UNC5D: variants seen among roughly 807,000 people sequenced by gnomAD.
UNC5D encodes the protein netrin receptor UNC5D.
In UNC5D, 39 loss-of-function variants were observed where a neutral mutation model predicts 105.4. The ratio of observed to expected loss-of-function variants is 0.37; its 90% CI spans 0.29 to 0.48. The LOEUF is 0.48. Ranked by LOEUF, UNC5D falls within the 20% of genes least tolerant of loss-of-function variation. UNC5D has a pLI of 0.98. For synonymous variants in UNC5D, 452 were observed against 450.4 expected, an observed-to-expected ratio of 1.00 and a Z score of -0.04; for missense variants, 991 against 1,202.4, an observed-to-expected ratio of 0.82 and a Z score of 2.60.
intron 1 of UNC5D, among the ~76,000 whole-genome samples, chr8:35,306,231 G>A (rs11991431): frequency 0.42 from 64,173 of 151,638 alleles, 13,857 homozygotes; most frequent in East Asian, 0.7. Context: ...GTGTGTGTGC[G>A]CGTGTGTGTG....
intron 1 of UNC5D, among the ~76,000 whole-genome samples, chr8:35,500,062 T>C (rs1811867909): frequency 6.6e-6 from 1 of 152,232 alleles, no homozygotes; most frequent in South Asian, 2.1e-4. Context: ...TCACCTTTCA[T>C]TTTAAATAAT....
intron 1 of UNC5D, among the ~76,000 whole-genome samples, chr8:35,443,983 A>T (rs1400228511): frequency 6.6e-6 from 1 of 151,890 alleles, no homozygotes. Flanking sequence ...GTTTTTTCTC[A>T]CTCATTCTTT....
intron 1 of UNC5D, among the ~76,000 whole-genome samples, chr8:35,305,429 C>T (rs1176404235): frequency 2.6e-5 from 4 of 151,976 alleles, no homozygotes; most frequent in Non-Finnish European, 5.9e-5. Flanking sequence ...TATTCCAACC[C>T]AGACACCCAG....
intron 1 of UNC5D, among the ~76,000 whole-genome samples, chr8:35,430,157 G>C (rs111846328): frequency 0.017 from 2,582 of 152,172 alleles, 92 homozygotes; most frequent in African/African-American, 0.059. Context: ...CTTTCAGCCT[G>C]CTCAACCTCC....
chr8:35,623,469 T>A (rs1052008255), intron 4 of UNC5D, among the ~76,000 whole-genome samples: 5 of 152,206 alleles, frequency 3.3e-5, no homozygotes, highest in African/African-American at 9.6e-5. Flanking sequence ...CTTCCTCTCT[T>A]TTCAGCATCC....
At chr8:35,399,269 C>A (rs1379865313) in intron 1 of UNC5D, among the ~76,000 whole-genome samples, 1 of 151,744 alleles carries the variant, frequency 6.6e-6, no homozygotes, top group Non-Finnish European at 1.5e-5. Flanking sequence ...AGGAGCAAAC[C>A]AATAGACTCT....
chr8:35,447,456 G>A (rs1330403397), intron 1 of UNC5D, among the ~76,000 whole-genome samples: 1 of 152,028 alleles, frequency 6.6e-6, no homozygotes, highest in East Asian at 1.9e-4. Context: ...AGCCCAGAGA[G>A]TCCACAGTTG....
intron 4 of UNC5D, among the ~76,000 whole-genome samples, chr8:35,604,815 T>G: frequency 6.6e-6 from 1 of 152,216 alleles, no homozygotes; most frequent in Admixed American, 6.5e-5. Flanking sequence ...CACTGATACC[T>G]TTTCTTCCAG....
At chr8:35,604,841 AC>A (rs1354993975) in intron 4 of UNC5D, among the ~76,000 whole-genome samples, 1 of 152,188 alleles carries the variant, frequency 6.6e-6, no homozygotes, top group Non-Finnish European at 1.5e-5. Flanking sequence ...CGCATCAGTT[AC>A]TGAGGCTTGT....
intron 1 of UNC5D, chr8:35,254,733 G>A (rs934777729): frequency 6.6e-6 from 1 of 152,072 alleles, no homozygotes; most frequent in Non-Finnish European, 1.5e-5. Flanking sequence ...TCCATACTTT[G>A]ACATTCCTTC....
intron 1 of UNC5D, among the ~76,000 whole-genome samples, chr8:35,332,702 G>A (rs1332578561): frequency 1.3e-5 from 2 of 152,166 alleles, no homozygotes; most frequent in African/African-American, 4.8e-5. Context: ...TCCTTTCTGG[G>A]CCAAGAAATT....
chr8:35,455,751 G>C (rs534054579), intron 1 of UNC5D, among the ~76,000 whole-genome samples: 1 of 151,832 alleles, frequency 6.6e-6, no homozygotes, highest in East Asian at 1.9e-4. Flanking sequence ...CATGGCAGAA[G>C]GCAAAAGGCA....
Position 35,608,390 on chromosome 8 carries a change from G to A in UNC5D, c.570+12733G>A, listed in dbSNP as rs894069382. ...TTCAGCTACATTAAGGGTTAAATAG[G>A]CTATTGATGCCTTAGCAAACATTTA... On this transcript the variant is annotated intron_variant, in intron 4 of 16. Transcript: ENST00000404895. Among the ~76,000 whole-genome samples, 3 of 152,094 alleles carry A rather than the reference G, an allele frequency of 2.0e-5. No individual in the cohort carries two copies. The South Asian group carries it at 6.2e-4, about 32-fold the overall frequency.
At chr8:35,412,709 C>G (rs138514482) in intron 1 of UNC5D, among the ~76,000 whole-genome samples, 47 of 152,086 alleles carry the variant, frequency 3.1e-4, no homozygotes, top group African/African-American at 1.1e-3. Flanking sequence ...GATAAGACAC[C>G]AGTAGGTTGG....
At position 35,750,785 on chromosome 8, in the gene UNC5D, G is replaced by A. The variant is rs1188969913; in HGVS notation, c.2139G>A (p.Val713=). 1.2e-5 allele frequency: 19 copies of A among 1,613,950 alleles called. No homozygotes were observed. The highest frequency in any genetic ancestry group is 1.5e-5 in the Non-Finnish European group (18 of 1,180,008). The part of the protein sequence containing the change: ...SLDYNLRVYC[V]DNTPCAFQEV... ...ATTACAACTTGAGAGTTTACTGTGT[G>A]GACAATACCCCTTGTGCATTTCAGG... Residue 713 remains valine, a synonymous_variant, in exon 13 of 17, where the codon GTG becomes GTA. Transcript: ENST00000404895.
chr8:35,524,847 TAGGAA>T (rs1813744673), intron 1 of UNC5D, among the ~76,000 whole-genome samples: 3 of 142,622 alleles, frequency 2.1e-5, no homozygotes, highest in Middle Eastern at 6.8e-3. Context: ...AGGAACAAAC[TAGGAA>T]AGGAAAGTCA....
intron 1 of UNC5D, among the ~76,000 whole-genome samples, chr8:35,506,380 A>G (rs1250097855): frequency 6.6e-6 from 1 of 152,210 alleles, no homozygotes; most frequent in Non-Finnish European, 1.5e-5. Context: ...TCTTCTGCCT[A>G]TTACTTGTAT....
rs117286619 is a variant in UNC5D, at chr8:35,774,226, C to G, written c.2479-73C>G. 2.7e-3 allele frequency: 4,180 copies of G among 1,564,876 alleles called. 6 individuals are homozygous for G. The highest frequency in any genetic ancestry group is 3.3e-3 in the Non-Finnish European group (3,763 of 1,149,246). ...GTGCATGTGTGTTAACCCAGATTTT[C>G]TTAAAAAATGAAAGTGTTGGTCAGG... is the stretch of plus-strand genomic sequence containing the variant. On this transcript the variant is annotated intron_variant, in intron 15 of 16. Coordinates refer to ENST00000404895, the MANE Select transcript of UNC5D (RefSeq NM_080872.4).
chr8:35,339,369 G>A (rs536187806), intron 1 of UNC5D, among the ~76,000 whole-genome samples: 19 of 152,294 alleles, frequency 1.2e-4, no homozygotes, highest in African/African-American at 3.4e-4. Context: ...CTTTGAGGTC[G>A]TGAACATGGT....
Sources: gnomAD v4.1 joint callset for allele counts (sites outside exome capture counted in the v4.1 genomes callset) on GRCh38, gnomAD v4.1.1 for gene constraint, MANE v1.5 for transcripts, NCBI Gene and HGNC (gene_info 2026-07-23, HGNC 2026-07-21) for gene names.